The following ACOT13 variants were observed in gnomAD, a reference collection of about 807,000 sequenced individuals.
ACOT13 encodes acyl-coenzyme A thioesterase 13.
In ACOT13, 10 loss-of-function variants were observed where a neutral mutation model predicts 11.8. The ratio of observed to expected loss-of-function variants is 0.85; its 90% CI spans 0.53 to 1.44. The LOEUF (loss-of-function observed/expected upper bound fraction) is 1.44, where lower values mean the gene tolerates loss of function less well. Ranked by LOEUF, ACOT13 falls within the 40% of genes most tolerant of loss-of-function variation. ACOT13 has a pLI of 0.00. For synonymous variants in ACOT13, 53 were observed against 61.0 expected (o/e 0.87, Z 0.61); for missense variants, 172 against 174.1 (o/e 0.99, Z 0.07).
rs968577462 is a variant in ACOT13 at position 24,684,036 on chromosome 6, T to C, written c.82-13847T>C. The stretch of plus-strand genomic sequence containing the variant: ...TGCATGTCTGTTTTTCTGATTAAGA[T>C]AGAATACTGGGAAATTTGGAAGTGG... On this transcript the variant is annotated intron_variant, in intron 1 of 2. Coordinates refer to ENST00000230048, the MANE Select transcript of ACOT13 (RefSeq NM_018473.4). 2.0e-5 allele frequency among the ~76,000 whole-genome samples: 3 copies of C among 152,000 alleles called. No homozygotes were observed. In the East Asian group the frequency reaches 5.8e-4, roughly 30 times the overall value.
rs562579898 is a variant in ACOT13, at chr6:24,685,937, A to C, written c.82-11946A>C. On this transcript the variant is annotated intron_variant, in intron 1 of 2. Transcript: ENST00000230048. ...GCTGAGTACCATAGCGCACACTTGT[A>C]ATCCCAGCACTTTGGGAGGCCTAGG... Among the ~76,000 whole-genome samples the C allele has an allele frequency of 5.3e-5, 8 of 152,288 alleles. No individual in the cohort carries two copies. In the East Asian group the frequency reaches 1.5e-3, roughly 29 times the overall value.
At chr6:24,700,114 T>TAA (rs1308106682) in intron 2 of ACOT13, among the ~76,000 whole-genome samples, 1 of 152,224 alleles carries the variant, frequency 6.6e-6, no homozygotes. Context: ...GGATGCCTGT[T>TAA]AGACTGTGAC....
chr6:24,668,455 A>C (rs1000933506), intron 1 of ACOT13, among the ~76,000 whole-genome samples: 2 of 152,186 alleles, frequency 1.3e-5, no homozygotes, highest in Non-Finnish European at 2.9e-5. Flanking sequence ...TGCTGACCTC[A>C]GGTGATCCAC....
chr6:24,695,708 C>CCTGCT (rs768008683), intron 1 of ACOT13, among the ~76,000 whole-genome samples: 1 of 152,148 alleles, frequency 6.6e-6, no homozygotes, highest in Non-Finnish European at 1.5e-5. Context: ...ACACCTTATT[C>CCTGCT]CTGCTCGGTG....
chr6:24,671,561 T>G (rs1778366351), intron 1 of ACOT13, among the ~76,000 whole-genome samples: 1 of 152,148 alleles, frequency 6.6e-6, no homozygotes, highest in Admixed American at 6.5e-5. Flanking sequence ...TGTATACATA[T>G]GTAACAAAAC....
Position 24,685,981 on chromosome 6 carries a change from G to A in ACOT13, c.82-11902G>A, listed in dbSNP as rs184840415. Among the ~76,000 whole-genome samples, 47 of 151,970 alleles carry A rather than the reference G, an allele frequency of 3.1e-4. 1 individual carries two copies. Among genetic ancestry groups the A allele is most frequent in the African/African-American group, 1.0e-3 (43 of 41,448 alleles). Reference sequence around the variant, plus strand: ...GCCTAGGTGGGAGAATTGCTTGAGGGCAGGAGTTCAAGACCACCCTGGCTA... The same window carrying A: ...GCCTAGGTGGGAGAATTGCTTGAGGACAGGAGTTCAAGACCACCCTGGCTA... On this transcript the variant is annotated intron_variant, in intron 1 of 2. Transcript: ENST00000230048.
intron 1 of ACOT13, among the ~76,000 whole-genome samples, chr6:24,677,187 C>G (rs1562156386): frequency 4.6e-5 from 7 of 152,282 alleles, no homozygotes; most frequent in Admixed American, 4.6e-4. Context: ...AAAAGGTCCC[C>G]TTGAGCAGCA....
rs1181132153 is a variant in ACOT13, at chr6:24,703,340, C to A, written c.*1725C>A. ...CTGTCCACTGTGAAAGGGCAGAAGA[C>A]TCCACAGTAGCAATAGCAGCAGTGA... On this transcript the variant is annotated 3_prime_UTR_variant, in exon 3 of 3. Transcript: ENST00000230048. The A allele has an allele frequency of 6.6e-6, 1 of 152,238 alleles. No homozygotes were observed. The highest frequency in any genetic ancestry group is 2.4e-5 in the African/African-American group (1 of 41,464). 9.4% of individuals were successfully genotyped at this position (152,238 alleles called of 1,614,324 possible). A position where few individuals can be genotyped will look rare whatever the true frequency, so the allele number is the denominator to read the frequency against.
Position 24,698,051 on chromosome 6 carries a change from G to A in ACOT13, c.250G>A (p.Val84Ile). The A allele has an allele frequency of 6.2e-7, 1 of 1,608,646 alleles. No homozygotes were observed. The highest frequency in any genetic ancestry group is 8.5e-7 in the Non-Finnish European group (1 of 1,177,864). Residue 84 changes from valine (V) to isoleucine (I), a missense_variant, in exon 2 of 3, where the codon GTC (valine) becomes ATC (isoleucine). Coordinates refer to ENST00000230048, the MANE Select transcript of ACOT13 (RefSeq NM_018473.4). ...CTERGAPGVS[V>I]DMNITYMSPA... Reference sequence around the variant, plus strand: ...GGAAAGGGGAGCACCCGGAGTCAGTGTCGATATGAACATAACGTATGTATC... The same window carrying A: ...GGAAAGGGGAGCACCCGGAGTCAGTATCGATATGAACATAACGTATGTATC...
chr6:24,685,303 G>A (rs1313039501), intron 1 of ACOT13, among the ~76,000 whole-genome samples: 1 of 145,076 alleles, frequency 6.9e-6, no homozygotes, highest in Admixed American at 7.0e-5. Context: ...AAATCTAGTT[G>A]TAGACATGGT....
At position 24,701,770 on chromosome 6, in the gene ACOT13, G is replaced by A; in HGVS notation, c.*155G>A. ...CCTGGATATCAAGTAGGGTAAAGGT[G>A]GGGGTGTCTTTTTTCACTTTAAGCA... On this transcript the variant is annotated 3_prime_UTR_variant, in exon 3 of 3. Transcript: ENST00000230048. 1.2e-5 allele frequency: 8 copies of A among 688,680 alleles called. No individual in the cohort carries two copies. The highest frequency in any genetic ancestry group is 9.2e-4 in the Middle Eastern group (2 of 2,180). The allele number at this position is 688,680 out of a possible 1,614,324, so 42.7% of individuals were successfully genotyped here. A position where few individuals can be genotyped will look rare whatever the true frequency, so the allele number is the denominator to read the frequency against.
intron 1 of ACOT13, among the ~76,000 whole-genome samples, chr6:24,682,395 TTACC>T (rs1778565934): frequency 6.6e-6 from 1 of 152,184 alleles, no homozygotes; most frequent in Admixed American, 6.5e-5. Context: ...TCGTGTTCTC[TTACC>T]TGGGGTTCTT....
intron 1 of ACOT13, among the ~76,000 whole-genome samples, chr6:24,681,617 G>A (rs1778552138): frequency 6.6e-6 from 1 of 151,420 alleles, no homozygotes; most frequent in South Asian, 2.1e-4. Context: ...TGGGGCCCTG[G>A]CAAGGGTAGT....
In ACOT13 at chr6:24,667,262, C is replaced by A. The variant is rs781582506; in HGVS notation, c.-2C>A. On this transcript the variant is annotated 5_prime_UTR_variant, in exon 1 of 3. Coordinates refer to ENST00000230048, the MANE Select transcript of ACOT13 (RefSeq NM_018473.4). ...AGCCCAAAGGCTGGAAAACCGTCCA[C>A]GATGACCAGCATGACTCAGTCTCTG... 1 of 1,613,966 alleles carries A rather than the reference C, an allele frequency of 6.2e-7. No individual in the cohort carries two copies. Among genetic ancestry groups the A allele is most frequent in the Admixed American group, 1.7e-5 (1 of 59,994 alleles).
chr6:24,682,826 CAA>C (rs903361507), intron 1 of ACOT13, among the ~76,000 whole-genome samples: 1 of 152,208 alleles, frequency 6.6e-6, no homozygotes, highest in African/African-American at 2.4e-5. Flanking sequence ...AGCTCCCACA[CAA>C]AGAGAGGGGA....
chr6:24,701,410 T>C lies in ACOT13; in HGVS notation c.267-49T>C, dbSNP rs186463325. On this transcript the variant is annotated intron_variant, in intron 2 of 2. Transcript: ENST00000230048. ...ACACTGTTGTGAGATGCACACAACTTTCCCTTTGAAAAATTATCTGCTGTT... is the reference window on the plus strand; with the variant it reads ...ACACTGTTGTGAGATGCACACAACTCTCCCTTTGAAAAATTATCTGCTGTT... 2.1e-4 allele frequency: 325 copies of C among 1,552,324 alleles called. 2 individuals carry two copies. The highest frequency in any genetic ancestry group is 2.0e-3 in the African/African-American group (149 of 73,172).
intron 1 of ACOT13, among the ~76,000 whole-genome samples, chr6:24,681,035 C>T (rs1778539947): frequency 6.6e-6 from 1 of 152,144 alleles, no homozygotes; most frequent in Non-Finnish European, 1.5e-5. Flanking sequence ...TAGGTCTGGT[C>T]GGACCTTTGT....
At chr6:24,671,206 C>A (rs544075753) in intron 1 of ACOT13, among the ~76,000 whole-genome samples, 1 of 152,246 alleles carries the variant, frequency 6.6e-6, no homozygotes, top group Non-Finnish European at 1.5e-5. Context: ...AGACTTGGAA[C>A]CAACCCAAAT....
rs1407467342 is a variant in ACOT13, at chr6:24,701,670, G to C, written c.*55G>C. ...AACAATGAATATCAAGTATAGATTT[G>C]ACTCAAACAATTGTAATTTTTGAAA... On this transcript the variant is annotated 3_prime_UTR_variant, in exon 3 of 3. Coordinates refer to ENST00000230048, the MANE Select transcript of ACOT13 (RefSeq NM_018473.4). 3 of 1,475,936 alleles carry C rather than the reference G, an allele frequency of 2.0e-6. No individual in the cohort carries two copies. The highest frequency in any genetic ancestry group is 1.4e-5 in the South Asian group (1 of 72,610). The allele number at this position is 1,475,936 out of a possible 1,614,324, so 91.4% of individuals were successfully genotyped here.
Sources: allele counts gnomAD v4.1 joint callset (sites outside exome capture counted in the v4.1 genomes callset), GRCh38; gene constraint gnomAD v4.1.1; transcripts MANE v1.5; gene names NCBI Gene and HGNC (gene_info 2026-07-23, HGNC 2026-07-21).